TJP1: variants seen among roughly 807,000 people sequenced by gnomAD.
TJP1 encodes tight junction protein ZO-1.
Under a neutral mutation model 194.2 loss-of-function variants are expected in TJP1, and 43 were observed. The ratio of observed to expected loss-of-function variants is 0.22; its 90% confidence interval spans 0.17 to 0.29. TJP1 has a LOEUF of 0.29. TJP1 is among the 10% of genes least tolerant of loss of function. TJP1 has a pLI of 1.00. For missense variants in TJP1, 1,971 were observed against 2,185.7 expected (o/e 0.90, Z 1.96); for synonymous variants, 801 against 779.0 (o/e 1.03, Z -0.47).
chr15:29,704,883 AG>A (rs1354244934), intron 26 of TJP1, among the ~76,000 whole-genome samples: 1 of 152,254 alleles, frequency 6.6e-6, no homozygotes, highest in Admixed American at 6.5e-5. Context: ...GTACAGAATC[AG>A]ATGTCAGTAT....
chr15:29,737,539 C>G, intron 10 of TJP1, 125 bp from the exon 11 acceptor site: 1 of 942,464 alleles, frequency 1.1e-6, no homozygotes, highest in African/African-American at 1.7e-5. Context: ...TCTCTCATAC[C>G]ACTATTTTAC....
intron 2 of TJP1, among the ~76,000 whole-genome samples, chr15:29,837,702 T>C (rs1464728468): frequency 6.6e-6 from 1 of 152,256 alleles, no homozygotes; most frequent in Admixed American, 6.5e-5. Flanking sequence ...ATAGTACCTA[T>C]ATTTAGTAAC....
chr15:29,932,604 A>T (rs1232124188), intron 2 of TJP1, among the ~76,000 whole-genome samples: 2 of 152,212 alleles, frequency 1.3e-5, no homozygotes, highest in Non-Finnish European at 2.9e-5. Flanking sequence ...AAAAGAAACC[A>T]TAAAAGACTG....
At chr15:29,774,858 C>T (rs2046917275) in intron 2 of TJP1, among the ~76,000 whole-genome samples, 1 of 151,700 alleles carries the variant, frequency 6.6e-6, no homozygotes, top group South Asian at 2.1e-4. Flanking sequence ...ATCTGTTTCT[C>T]TATATATTCT....
At chr15:29,936,569 G>C (rs1254567131) in intron 2 of TJP1, among the ~76,000 whole-genome samples, 1 of 152,130 alleles carries the variant, frequency 6.6e-6, no homozygotes, top group East Asian at 1.9e-4. Flanking sequence ...AGTTCTGATT[G>C]CTCAACTCTT....
chr15:29,719,663 G>A lies in TJP1; in HGVS notation c.3003+114C>T, dbSNP rs562896290. ...TTTGTATTGATTTGAAAGCATTACA[G>A]TGTATAAGCCTGCAGTAAAAAAGCA... On this transcript the variant is annotated intron_variant, in intron 20 of 27. Coordinates refer to ENST00000614355, the MANE Select transcript of TJP1 (RefSeq NM_001330239.4). The A allele has an allele frequency of 1.2e-4, 159 of 1,318,016 alleles. 1 individual carries two copies. The African/African-American group carries it at 2.2e-3, about 18-fold the overall frequency. The allele number at this position is 1,318,016 out of a possible 1,614,324, so 81.6% of individuals were successfully genotyped here. A position where few individuals can be genotyped will look rare whatever the true frequency, so the allele number is the denominator to read the frequency against.
At chr15:29,868,431 C>A (rs931468036) in intron 2 of TJP1, among the ~76,000 whole-genome samples, 1 of 152,122 alleles carries the variant, frequency 6.6e-6, no homozygotes, top group Non-Finnish European at 1.5e-5. Context: ...TAATACTGGT[C>A]CACGCATGCC....
chr15:29,857,503 A>G (rs1386315759), intron 2 of TJP1, among the ~76,000 whole-genome samples: 1 of 152,138 alleles, frequency 6.6e-6, no homozygotes, highest in African/African-American at 2.4e-5. Context: ...AGCCTTGGTC[A>G]TCTTTCTTCT....
intron 1 of TJP1, among the ~76,000 whole-genome samples, chr15:29,957,759 T>C (rs2056002002): frequency 1.3e-5 from 2 of 152,200 alleles, no homozygotes; most frequent in South Asian, 4.1e-4. Context: ...ATTATTTAGT[T>C]AGGAAAGATT....
chr15:29,958,991 T>TG (rs1239773154), intron 1 of TJP1, among the ~76,000 whole-genome samples: 1 of 149,192 alleles, frequency 6.7e-6, no homozygotes, highest in African/African-American at 2.6e-5. Context: ...GCTAGTTTTT[T>TG]TTTTTTGTTT....
chr15:29,820,258 A>G (rs1003729172), intron 1 of TJP1, among the ~76,000 whole-genome samples: 1 of 151,886 alleles, frequency 6.6e-6, no homozygotes, highest in African/African-American at 2.4e-5. Context: ...AAGCATTTTA[A>G]TCACCTTCAA....
chr15:29,912,695 C>CAAAAAAAAAAAAAAAAAAA lies in TJP1; in HGVS notation c.306+43518_306+43536dup, dbSNP rs71103416. 2.2e-4 allele frequency among the ~76,000 whole-genome samples: 14 copies of CAAAAAAAAAAAAAAAAAAA among 64,958 alleles called. 1 individual carries two copies. Among genetic ancestry groups the CAAAAAAAAAAAAAAAAAAA allele is most frequent in the African/African-American group, 5.2e-4 (6 of 11,454 alleles). The allele number at this position is 64,958 out of a possible 152,430, so 42.6% of individuals were successfully genotyped here. A position where few individuals can be genotyped will look rare whatever the true frequency, so the allele number is the denominator to read the frequency against. ...TGGGAGACAGAGCAAGACTCTGTCT[C>CAAAAAAAAAAAAAAAAAAA]AAAAAAAAAAAAAAAAAAAAAAAAA... On this transcript the variant is annotated intron_variant, in intron 2 of 28. Transcript: ENST00000356107.
intron 8 of TJP1, among the ~76,000 whole-genome samples, chr15:29,760,828 C>T (rs972344305): frequency 2.0e-5 from 3 of 152,296 alleles, no homozygotes; most frequent in Admixed American, 6.5e-5. Context: ...GCGGATCAAC[C>T]GCTTTTGTAA....
At chr15:29,870,263 T>A (rs2052466351) in intron 2 of TJP1, among the ~76,000 whole-genome samples, 1 of 151,980 alleles carries the variant, frequency 6.6e-6, no homozygotes, top group African/African-American at 2.4e-5. Flanking sequence ...GAAGTACTAG[T>A]GGGCAGGTTA....
intron 2 of TJP1, among the ~76,000 whole-genome samples, chr15:29,927,319 C>CA (rs1202253607): frequency 2.0e-5 from 3 of 151,114 alleles, no homozygotes; most frequent in Non-Finnish European, 4.4e-5. Flanking sequence ...GACTCTGCCT[C>CA]AAAAAAAGGA....
At chr15:29,962,270 C>T (rs956309813) in intron 1 of TJP1, among the ~76,000 whole-genome samples, 1 of 152,168 alleles carries the variant, frequency 6.6e-6, no homozygotes, top group Non-Finnish European at 1.5e-5. Context: ...CCCAGGAAGC[C>T]TCAGATATTC....
intron 2 of TJP1, among the ~76,000 whole-genome samples, chr15:29,942,869 C>A (rs181201455): frequency 1.8e-4 from 28 of 152,288 alleles, no homozygotes; most frequent in Non-Finnish European, 7.3e-5. Flanking sequence ...AGAACCAACT[C>A]CCAAGTCATT....
chr15:29,866,633 G>C (rs775538388), intron 2 of TJP1, among the ~76,000 whole-genome samples: 1 of 152,098 alleles, frequency 6.6e-6, no homozygotes, highest in Non-Finnish European at 1.5e-5. Context: ...AAAAAAAACA[G>C]GCTGCTTTTA....
intron 2 of TJP1, among the ~76,000 whole-genome samples, chr15:29,930,806 A>C (rs1403887860): frequency 1.3e-5 from 2 of 152,240 alleles, no homozygotes; most frequent in African/African-American, 4.8e-5. Flanking sequence ...AGAGAATAGG[A>C]AAGTCTACAC....
Sources: gnomAD v4.1 joint callset for allele counts (sites outside exome capture counted in the v4.1 genomes callset) on GRCh38, gnomAD v4.1.1 for gene constraint, MANE v1.5 for transcripts, NCBI Gene and HGNC (gene_info 2026-07-23, HGNC 2026-07-21) for gene names.